Variants in SUGCT observed in about 807,000 individuals in gnomAD.
The protein encoded by SUGCT is succinyl-CoA:glutarate CoA-transferase.
SUGCT carries 41 observed loss-of-function variants against 55.0 expected under a neutral mutation model. The ratio of observed to expected loss-of-function variants is 0.74; its 90% CI spans 0.58 to 0.97. The LOEUF (loss-of-function observed/expected upper bound fraction) is 0.97, where lower values mean the gene tolerates loss of function less well. Ranked by LOEUF, SUGCT falls within the 50% of genes least tolerant of loss-of-function variation. The pLI is 0.00. For synonymous variants in SUGCT, 187 were observed against 200.4 expected, an observed-to-expected ratio of 0.93 and a Z score of 0.56; for missense variants, 568 against 547.8, an observed-to-expected ratio of 1.04 and a Z score of -0.37.
the SUGCT span, among the ~76,000 whole-genome samples, chr7:40,896,232 C>G: frequency 6.6e-6 from 1 of 151,572 alleles, no homozygotes; most frequent in African/African-American, 2.4e-5. Context: ...GAAAACAATC[C>G]CATTTATGAC....
intron 7 of SUGCT, among the ~76,000 whole-genome samples, chr7:40,253,403 C>A (rs901206087): frequency 2.0e-5 from 3 of 152,176 alleles, no homozygotes; most frequent in African/African-American, 4.8e-5. Context: ...CATCTTCATG[C>A]GTGAAATTAT....
chr7:40,906,987 G>T, the SUGCT span, among the ~76,000 whole-genome samples: 5 of 152,164 alleles, frequency 3.3e-5, no homozygotes, highest in African/African-American at 1.2e-4. Flanking sequence ...GTTGTTAAGA[G>T]TCATGAGCTT....
intron 12 of SUGCT, among the ~76,000 whole-genome samples, chr7:40,578,768 A>T (rs1796915640): frequency 1.3e-5 from 2 of 152,182 alleles, no homozygotes; most frequent in South Asian, 4.1e-4. Context: ...TCATGCAATA[A>T]AAAAGACCTA....
At chr7:40,383,831 C>T (rs1356538828) in intron 9 of SUGCT, among the ~76,000 whole-genome samples, 1 of 152,158 alleles carries the variant, frequency 6.6e-6, no homozygotes, top group African/African-American at 2.4e-5. Flanking sequence ...TCTTAGATGA[C>T]ACTAAAATGT....
intron 7 of SUGCT, among the ~76,000 whole-genome samples, chr7:40,242,970 G>C (rs1347327757): frequency 3.1e-5 from 2 of 63,786 alleles, no homozygotes; most frequent in African/African-American, 5.6e-5. Context: ...TTTGAGACAA[G>C]GTCTCACTCT....
chr7:40,834,417 A>G (rs1229979129), intron 13 of SUGCT, among the ~76,000 whole-genome samples: 1 of 152,218 alleles, frequency 6.6e-6, no homozygotes, highest in Non-Finnish European at 1.5e-5. Flanking sequence ...TCAAAAGTAG[A>G]CTGGTTATAA....
the SUGCT span, among the ~76,000 whole-genome samples, chr7:40,955,567 T>C: frequency 6.6e-6 from 1 of 152,226 alleles, no homozygotes; most frequent in African/African-American, 2.4e-5. Context: ...TATACAATCA[T>C]GTCATCTGCA....
chr7:40,204,930 G>A (rs1231655978), intron 6 of SUGCT, among the ~76,000 whole-genome samples: 2 of 151,388 alleles, frequency 1.3e-5, no homozygotes, highest in African/African-American at 4.9e-5. Context: ...TCCAACCTGG[G>A]TGACAGAGTG....
intron 6 of SUGCT, among the ~76,000 whole-genome samples, chr7:40,221,351 C>CT (rs1174153144): frequency 6.7e-6 from 1 of 149,426 alleles, no homozygotes; most frequent in Non-Finnish European, 1.5e-5. Context: ...GAGGAGGAGG[C>CT]TTCAGTGAGC....
At chr7:40,597,646 A>G (rs1353491363) in intron 12 of SUGCT, among the ~76,000 whole-genome samples, 1 of 152,180 alleles carries the variant, frequency 6.6e-6, no homozygotes, top group African/African-American at 2.4e-5. Flanking sequence ...AGCATTCTGT[A>G]TCCTGCCTGA....
At chr7:40,651,082 T>C (rs1208932619) in intron 12 of SUGCT, among the ~76,000 whole-genome samples, 2 of 152,224 alleles carry the variant, frequency 1.3e-5, no homozygotes, top group Non-Finnish European at 2.9e-5. Flanking sequence ...TAGTATTCCA[T>C]GGTGTATATG....
chr7:40,981,913 T>C, the SUGCT span, among the ~76,000 whole-genome samples: 1 of 152,206 alleles, frequency 6.6e-6, no homozygotes, highest in Non-Finnish European at 1.5e-5. Flanking sequence ...GCTCCAAAAT[T>C]ACTCCACATG....
At chr7:40,988,468 T>C in the SUGCT span, among the ~76,000 whole-genome samples, 7 of 151,806 alleles carry the variant, frequency 4.6e-5, no homozygotes, top group African/African-American at 1.5e-4. Context: ...GAATCTTTTA[T>C]AGATTGGCAT....
At chr7:40,458,966 T>C in intron 10 of SUGCT, 135 bp from the exon 11 acceptor site, 1 of 607,552 alleles carries the variant, frequency 1.6e-6, no homozygotes, top group Non-Finnish European at 2.9e-6. Context: ...TCCCTCCATA[T>C]GTCCTTGTTG....
At chr7:40,140,052 G>A (rs909047348) in intron 1 of SUGCT, among the ~76,000 whole-genome samples, 9 of 151,884 alleles carry the variant, frequency 5.9e-5, no homozygotes, top group Admixed American at 2.6e-4. Flanking sequence ...ACAGGCATGC[G>A]CCACCATGCC....
chr7:40,445,451 G>C (rs1788771372), intron 9 of SUGCT, among the ~76,000 whole-genome samples: 1 of 152,194 alleles, frequency 6.6e-6, no homozygotes, highest in Admixed American at 6.5e-5. Context: ...AAACCAGGAA[G>C]AAGTTGAATC....
chr7:40,548,370 T>A (rs541460275), intron 12 of SUGCT, among the ~76,000 whole-genome samples: 3 of 152,120 alleles, frequency 2.0e-5, no homozygotes, highest in African/African-American at 7.2e-5. Flanking sequence ...TTAAAATTTT[T>A]AACGGTTTTT....
chr7:40,694,940 C>A (rs1784855685), intron 12 of SUGCT, among the ~76,000 whole-genome samples: 1 of 152,124 alleles, frequency 6.6e-6, no homozygotes, highest in Non-Finnish European at 1.5e-5. Flanking sequence ...GTGACCTGCT[C>A]AGCTGTAGTC....
intron 7 of SUGCT, among the ~76,000 whole-genome samples, chr7:40,242,924 TATATATA>T (rs1468780577): frequency 3.2e-4 from 10 of 31,744 alleles, no homozygotes; most frequent in Non-Finnish European, 4.0e-4. Flanking sequence ...TATATATATA[TATATATA>T]TATTTTTTTT....
Sources: allele counts gnomAD v4.1 joint callset (sites outside exome capture counted in the v4.1 genomes callset), GRCh38; gene constraint gnomAD v4.1.1; transcripts MANE v1.5; gene names NCBI Gene and HGNC (gene_info 2026-07-23, HGNC 2026-07-21).